The following PRUNE2 variants were observed in gnomAD, a reference collection of about 807,000 sequenced individuals.
PRUNE2 encodes the protein prune homolog 2 with BCH domain, also known as protein prune homolog 2.
A neutral mutation model predicts 252.0 loss-of-function variants in PRUNE2; 164 were observed. The observed-to-expected ratio is 0.65, with a 90% CI of 0.57 to 0.74. PRUNE2 has a LOEUF of 0.74. Among genes scored for constraint, PRUNE2 ranks in the 30% least tolerant of loss-of-function variants. The probability of loss-of-function intolerance (pLI) is 0.00; values close to 1 mark genes in which losing one functional copy is unlikely to be tolerated. For missense variants in PRUNE2, 3,495 were observed against 3,711.0 expected, an observed-to-expected ratio of 0.94 and a Z score of 1.51; for synonymous variants, 1,292 against 1,350.2, an observed-to-expected ratio of 0.96 and a Z score of 0.94.
At chr9:76,685,591 CACAA>C (rs1158742701) in intron 9 of PRUNE2, among the ~76,000 whole-genome samples, 2 of 152,116 alleles carry the variant, frequency 1.3e-5, no homozygotes, top group African/African-American at 4.8e-5. Context: ...GAAATTTGGA[CACAA>C]ACACACACAG....
rs1249263678 is a variant in PRUNE2, at chr9:76,706,603, G to A, written c.5671C>T (p.His1891Tyr). Residue 1891 changes from histidine (H) to tyrosine (Y), a missense_variant, in exon 8 of 19, where the codon CAT becomes TAT. Physicochemically the swap from His to Tyr is moderately conservative, Grantham distance 83 (BLOSUM62 2). Transcript: ENST00000376718. ...THYTNPFSDN[H>Y]QSPFLEGNGK... ...TTACCTTCCAGAAAGGGTGACTGAT[G>A]GTTGTCACTAAAAGGATTAGTATAG... 1.9e-6 allele frequency: 3 copies of A among 1,613,826 alleles called. No individual in the cohort carries two copies. Among genetic ancestry groups the A allele is most frequent in the Non-Finnish European group, 2.5e-6 (3 of 1,179,886 alleles).
At chr9:76,629,397 CA>C in intron 15 of PRUNE2, 107 bp from the exon 16 acceptor site, 1 of 577,684 alleles carries the variant, frequency 1.7e-6, no homozygotes, top group Non-Finnish European at 3.0e-6. Flanking sequence ...CTTGCCACAG[CA>C]CTCTTACTAA....
chr9:76,720,876 G>A (rs1210556047), intron 6 of PRUNE2, among the ~76,000 whole-genome samples: 1 of 152,158 alleles, frequency 6.6e-6, no homozygotes, highest in Non-Finnish European at 1.5e-5. Flanking sequence ...AGGTTTGGGA[G>A]GCTGAGGCGG....
At position 76,703,926 on chromosome 9, in the gene PRUNE2, G is replaced by A. The variant is rs1336189637; in HGVS notation, c.7687C>T (p.Pro2563Ser). 3.7e-6 allele frequency: 6 copies of A among 1,613,688 alleles called. No homozygotes were observed. The African/African-American group carries it at 8.0e-5, about 22-fold the overall frequency. ...CTTTCTCTTTCTTCACAGGTCTCTG[G>A]CTTTGAGTGTGAATTTTCTTCACGG... Reference protein sequence around the residue: ...VNREENSHSKPETCEERESIA... With the variant: ...VNREENSHSKSETCEERESIA... The change falls in exon 9 of 19, where the codon CCA (proline) becomes TCA (serine). Residue 2563 changes from proline to serine, a missense_variant. Pro to Ser is a moderately conservative substitution (Grantham distance 74). Coordinates refer to ENST00000376718, the MANE Select transcript of PRUNE2 (RefSeq NM_015225.3).
intron 6 of PRUNE2, among the ~76,000 whole-genome samples, chr9:76,763,030 A>C (rs2051907160): frequency 6.6e-6 from 1 of 152,062 alleles, no homozygotes; most frequent in African/African-American, 2.4e-5. Context: ...GCAAACCTGC[A>C]CTCCTCCCAC....
Position 76,613,719 on chromosome 9 carries a change from C to T in PRUNE2, c.*851G>A, listed in dbSNP as rs1332858825. 6.6e-6 allele frequency: 1 copy of T among 152,164 alleles called. No homozygotes were observed. The highest frequency in any genetic ancestry group is 1.5e-5 in the Non-Finnish European group (1 of 68,034). The allele number at this position is 152,164 out of a possible 1,614,324, so 9.4% of individuals were successfully genotyped here. A position where few individuals can be genotyped will look rare whatever the true frequency, so the allele number is the denominator to read the frequency against. ...TTAAAGCAGATCACTTTTTATAATGCATGCGAGAGAGGAATTCATGAATAA... is the reference window on the plus strand; with the variant it reads ...TTAAAGCAGATCACTTTTTATAATGTATGCGAGAGAGGAATTCATGAATAA... On this transcript the variant is annotated 3_prime_UTR_variant, in exon 19 of 19. Transcript: ENST00000376718.
intron 6 of PRUNE2, among the ~76,000 whole-genome samples, chr9:76,805,335 G>A (rs1465137623): frequency 2.6e-5 from 4 of 152,172 alleles, no homozygotes; most frequent in African/African-American, 9.6e-5. Flanking sequence ...GTAAGTTGTG[G>A]TGTGGCTGCG....
intron 10 of PRUNE2, among the ~76,000 whole-genome samples, chr9:76,653,838 T>C (rs537999328): frequency 2.0e-5 from 3 of 152,290 alleles, no homozygotes; most frequent in East Asian, 3.9e-4. Context: ...ATCTTATGTG[T>C]AGGCTCCCTC....
At position 76,709,093 on chromosome 9, in the gene PRUNE2, C is replaced by G; in HGVS notation, c.3181G>C (p.Asp1061His). 6.2e-7 allele frequency: 1 copy of G among 1,613,986 alleles called. No individual in the cohort carries two copies. The highest frequency in any genetic ancestry group is 8.5e-7 in the Non-Finnish European group (1 of 1,179,880). ...TCCTCCATGGAGATATTCTTACCAT[C>G]TGTGTGCTCTGTCTTGAGTTCATTT... ...DENELKTEHT[D>H]GKNISMEDDV... Residue 1061 changes from aspartate to histidine, a missense_variant, in exon 8 of 19, where the codon GAT becomes CAT. Physicochemically the swap from Asp to His is moderately conservative, Grantham distance 81 (BLOSUM62 -1). Coordinates refer to ENST00000376718, the MANE Select transcript of PRUNE2 (RefSeq NM_015225.3).
chr9:76,877,257 C>T (rs2061526016), intron 1 of PRUNE2, among the ~76,000 whole-genome samples: 1 of 151,902 alleles, frequency 6.6e-6, no homozygotes, highest in African/African-American at 2.4e-5. Context: ...GTAATCCCAG[C>T]ACTTTGGTAG....
At chr9:76,897,466 T>G (rs1326156151) in intron 1 of PRUNE2, among the ~76,000 whole-genome samples, 1 of 126,596 alleles carries the variant, frequency 7.9e-6, no homozygotes, top group Admixed American at 1.0e-4. Context: ...CTGGAAGGAG[T>G]GCAGAGGCAT....
At chr9:76,828,053 G>C (rs966017906) in intron 4 of PRUNE2, among the ~76,000 whole-genome samples, 1 of 152,190 alleles carries the variant, frequency 6.6e-6, no homozygotes, top group Non-Finnish European at 1.5e-5. Context: ...GGAGATTAGA[G>C]GTTACAAATA....
intron 6 of PRUNE2, among the ~76,000 whole-genome samples, chr9:76,799,154 A>G (rs1226667340): frequency 6.6e-6 from 1 of 152,174 alleles, no homozygotes; most frequent in Non-Finnish European, 1.5e-5. Flanking sequence ...CAGCCTGGCC[A>G]ACATGGTGAA....
chr9:76,857,023 G>A (rs1363971652), intron 1 of PRUNE2: 21 of 454,918 alleles, frequency 4.6e-5, no homozygotes, highest in Non-Finnish European at 2.7e-5. Flanking sequence ...CAAAGTACTG[G>A]GATTACAGGC....
chr9:76,633,375 G>A (rs933200210), intron 15 of PRUNE2, among the ~76,000 whole-genome samples: 2 of 151,880 alleles, frequency 1.3e-5, no homozygotes, highest in Non-Finnish European at 2.9e-5. Context: ...GATCTCAAGA[G>A]TTCAAGACCA....
intron 9 of PRUNE2, among the ~76,000 whole-genome samples, chr9:76,669,888 G>A (rs1321783353): frequency 6.6e-6 from 1 of 152,174 alleles, no homozygotes; most frequent in East Asian, 1.9e-4. Flanking sequence ...GGGTAAATCT[G>A]AGTCACCTTT....
At chr9:76,691,039 G>A (rs954101137) in intron 9 of PRUNE2, among the ~76,000 whole-genome samples, 12 of 151,958 alleles carry the variant, frequency 7.9e-5, no homozygotes, top group African/African-American at 2.2e-4. Flanking sequence ...TTTACATTCC[G>A]TGCATATTAT....
intron 12 of PRUNE2, chr9:76,641,983 A>G (rs779035925): frequency 1.0e-4 from 144 of 1,432,568 alleles, no homozygotes; most frequent in Non-Finnish European, 1.3e-4. Flanking sequence ...TGAATCTCCT[A>G]TAATGAAATA....
At chr9:76,884,126 A>G (rs2061950078) in intron 1 of PRUNE2, among the ~76,000 whole-genome samples, 1 of 151,976 alleles carries the variant, frequency 6.6e-6, no homozygotes, top group African/African-American at 2.4e-5. Context: ...CCCAGATGTA[A>G]CCAGTTGATG....
Sources: gnomAD v4.1 joint callset for allele counts (sites outside exome capture counted in the v4.1 genomes callset) on GRCh38, gnomAD v4.1.1 for gene constraint, MANE v1.5 for transcripts, NCBI Gene and HGNC (gene_info 2026-07-23, HGNC 2026-07-21) for gene names.